Variants in SLC35F3 observed in about 807,000 individuals in gnomAD.
The protein encoded by SLC35F3 is putative thiamine transporter SLC35F3.
Under a neutral mutation model 49.9 loss-of-function variants are expected in SLC35F3, and 25 were observed. That is an observed-to-expected ratio of 0.50 (90% confidence interval 0.37 to 0.70). The LOEUF (loss-of-function observed/expected upper bound fraction) is 0.70, where lower values mean the gene tolerates loss of function less well. Ranked by LOEUF, SLC35F3 falls within the 30% of genes least tolerant of loss-of-function variation. SLC35F3 has a pLI of 0.00. For synonymous variants in SLC35F3, 275 were observed against 265.4 expected (o/e 1.04, Z -0.35); for missense variants, 525 against 639.8 (o/e 0.82, Z 1.94).
chr1:234,318,611 A>G, intron 5 of SLC35F3, 140 bp from the exon 6 acceptor site: 1 of 709,340 alleles, frequency 1.4e-6, no homozygotes, highest in South Asian at 2.0e-5. Context: ...AACACAGGCC[A>G]AACCCCATGG....
intron 2 of SLC35F3, among the ~76,000 whole-genome samples, chr1:233,908,198 CA>C (rs879340874): frequency 0.01 from 1,475 of 140,544 alleles, 10 homozygotes; most frequent in African/African-American, 0.022. Context: ...AAAACAAAGA[CA>C]AAAAAAAAAA....
intron 2 of SLC35F3, among the ~76,000 whole-genome samples, chr1:233,975,904 A>G (rs1054392613): frequency 1.3e-5 from 2 of 152,172 alleles, no homozygotes; most frequent in Admixed American, 6.5e-5. Flanking sequence ...GCTTCAATAA[A>G]TGACCCAGAG....
chr1:234,096,652 G>A (rs1357800553), intron 2 of SLC35F3, among the ~76,000 whole-genome samples: 2 of 152,120 alleles, frequency 1.3e-5, no homozygotes, highest in East Asian at 3.9e-4. Flanking sequence ...AGAAGGTTGG[G>A]GGAGCTAGAT....
chr1:233,916,693 T>C (rs55752032), intron 2 of SLC35F3, among the ~76,000 whole-genome samples: 15,997 of 152,310 alleles, frequency 0.11, 1,040 homozygotes, highest in Non-Finnish European at 0.15. Flanking sequence ...GCAACTGACA[T>C]TGTATCTGGT....
intron 2 of SLC35F3, among the ~76,000 whole-genome samples, chr1:233,951,552 G>A (rs1183359288): frequency 6.6e-6 from 1 of 152,084 alleles, no homozygotes; most frequent in Admixed American, 6.5e-5. Context: ...GCCTACAGCA[G>A]GGGTTCCCAA....
At chr1:234,145,283 A>G (rs1049834117) in intron 2 of SLC35F3, among the ~76,000 whole-genome samples, 4 of 152,188 alleles carry the variant, frequency 2.6e-5, no homozygotes, top group African/African-American at 9.7e-5. Context: ...TATTGAAGTG[A>G]GTTTTGACCT....
rs147322633 is a variant in SLC35F3, at chr1:234,016,826, C to T, written c.283+111068C>T. ...GTGGTACAAAGAATTTAAGAAGCCC[C>T]GGTCTAAGGTTTGTGCCTTTGTTCG... On this transcript the variant is annotated intron_variant, in intron 2 of 7. Transcript: ENST00000366618. Among the ~76,000 whole-genome samples, 322 of 152,272 alleles carry T rather than the reference C, an allele frequency of 2.1e-3. 5 individuals carry two copies. The East Asian group carries it at 0.028, about 13-fold the overall frequency.
In SLC35F3 at chr1:234,231,765, G is replaced by T. The variant is rs1667381439; in HGVS notation, c.608+24G>T. 1 of 1,574,010 alleles carries T rather than the reference G, an allele frequency of 6.4e-7. No homozygotes were observed. Among genetic ancestry groups the T allele is most frequent in the African/African-American group, 1.3e-5 (1 of 74,472 alleles). On this transcript the variant is annotated intron_variant, in intron 3 of 7. Coordinates refer to ENST00000366618, the MANE Select transcript of SLC35F3 (RefSeq NM_173508.4). This position sits in a 1 kb window ranked among gnomAD's most constrained non-coding sequence, Gnocchi z 5.4. ...AGGTAGGCGCGTCCTGCATGAGGAG[G>T]CCTCCTGACCCCGGGCTGCTCCATC... is the stretch of plus-strand genomic sequence containing the variant.
chr1:233,927,551 A>G (rs1662179814), intron 2 of SLC35F3, among the ~76,000 whole-genome samples: 1 of 152,178 alleles, frequency 6.6e-6, no homozygotes, highest in South Asian at 2.1e-4. Context: ...TAATAATTTT[A>G]TGTTAAATAA....
chr1:234,321,245 G>A (rs1187481682), intron 7 of SLC35F3, among the ~76,000 whole-genome samples: 1 of 152,204 alleles, frequency 6.6e-6, no homozygotes, highest in Admixed American at 6.5e-5. Context: ...TACCAGGCCT[G>A]GGGGAGGTGT....
intron 2 of SLC35F3, among the ~76,000 whole-genome samples, chr1:233,967,262 C>T (rs1008957546): frequency 2.6e-5 from 4 of 151,774 alleles, no homozygotes. Flanking sequence ...CCACCCCAAA[C>T]ATGTGTTTGA....
At chr1:234,034,438 C>T (rs186720362) in intron 2 of SLC35F3, among the ~76,000 whole-genome samples, 11 of 152,316 alleles carry the variant, frequency 7.2e-5, no homozygotes, top group Admixed American at 2.0e-4. Context: ...AGGTGGAATA[C>T]TTCCAACTTT....
intron 2 of SLC35F3, among the ~76,000 whole-genome samples, chr1:234,116,606 G>A (rs1320730537): frequency 6.6e-6 from 1 of 151,922 alleles, no homozygotes; most frequent in Non-Finnish European, 1.5e-5. Flanking sequence ...CCGTCTCCCA[G>A]GTTCAAGCAA....
chr1:234,203,500 C>G (rs1397459988), intron 2 of SLC35F3, among the ~76,000 whole-genome samples: 2 of 152,172 alleles, frequency 1.3e-5, no homozygotes, highest in African/African-American at 4.8e-5. Flanking sequence ...ATCATGAGGT[C>G]AGGAGTTCGA....
At chr1:233,912,854 G>A (rs1661905585) in intron 2 of SLC35F3, among the ~76,000 whole-genome samples, 1 of 152,192 alleles carries the variant, frequency 6.6e-6, no homozygotes, top group South Asian at 2.1e-4. Context: ...AGTTGACCAA[G>A]GATAACTGAA....
chr1:233,922,466 T>C (rs575253028), intron 2 of SLC35F3, among the ~76,000 whole-genome samples: 1 of 151,564 alleles, frequency 6.6e-6, no homozygotes, highest in East Asian at 1.9e-4. Context: ...GTTCATATCT[T>C]TTGCCCACTT....
intron 2 of SLC35F3, among the ~76,000 whole-genome samples, chr1:234,206,089 G>A (rs1474757442): frequency 6.6e-6 from 1 of 152,188 alleles, no homozygotes; most frequent in Non-Finnish European, 1.5e-5. Flanking sequence ...GAAATGCGGA[G>A]AGGCAGGGAG....
intron 2 of SLC35F3, among the ~76,000 whole-genome samples, chr1:234,160,284 G>A (rs6671014): frequency 1.5e-4 from 23 of 152,294 alleles, no homozygotes; most frequent in African/African-American, 5.5e-4. Flanking sequence ...TTTCAGGCCA[G>A]CATCAACCCA....
At chr1:233,949,255 G>A (rs536524279) in intron 2 of SLC35F3, among the ~76,000 whole-genome samples, 3 of 152,144 alleles carry the variant, frequency 2.0e-5, no homozygotes, top group East Asian at 1.9e-4. Flanking sequence ...CAGCCTCCAC[G>A]TCACCTGAAT....
Sources: allele counts gnomAD v4.1 joint callset (sites outside exome capture counted in the v4.1 genomes callset), GRCh38; gene constraint gnomAD v4.1.1; non-coding constraint Gnocchi (gnomAD v3.1); transcripts MANE v1.5; gene names NCBI Gene and HGNC (gene_info 2026-07-23, HGNC 2026-07-21).